The following GLUD1 variants were observed in gnomAD, a reference collection of about 807,000 sequenced individuals.
The protein encoded by GLUD1 is glutamate dehydrogenase 1, mitochondrial.
In GLUD1, 22 loss-of-function variants were observed where a neutral mutation model predicts 56.0. The observed-to-expected ratio is 0.39, with a 90% CI of 0.28 to 0.56. The LOEUF (loss-of-function observed/expected upper bound fraction) is 0.56. Among genes scored for constraint, GLUD1 ranks in the 20% least tolerant of loss-of-function variants. GLUD1 has a pLI of 0.58. For missense variants in GLUD1, 451 were observed against 732.0 expected, an observed-to-expected ratio of 0.62 and a Z score of 4.43; for synonymous variants, 223 against 269.9, an observed-to-expected ratio of 0.83 and a Z score of 1.70.
At chr10:87,074,453 A>G (rs1050520081) in intron 4 of GLUD1, 98 bp downstream of exon 4, 19 of 765,306 alleles carry the variant, frequency 2.5e-5, no homozygotes, top group African/African-American at 2.4e-4. Flanking sequence ...GCACCACTGC[A>G]CTCTAGTCTG....
intron 10 of GLUD1, among the ~76,000 whole-genome samples, chr10:87,058,376 A>G (rs935691274): frequency 1.3e-5 from 2 of 152,326 alleles, no homozygotes; most frequent in African/African-American, 4.8e-5. Flanking sequence ...CTTCACCCAG[A>G]TTCTCACAGT....
chr10:87,063,379 A>G (rs1398145444), intron 5 of GLUD1, among the ~76,000 whole-genome samples: 1 of 152,184 alleles, frequency 6.6e-6, no homozygotes, highest in Non-Finnish European at 1.5e-5. Flanking sequence ...GGCAAAGTAG[A>G]CCATATTTTC....
At chr10:87,067,560 C>A (rs867256542) in intron 5 of GLUD1, among the ~76,000 whole-genome samples, 9 of 152,162 alleles carry the variant, frequency 5.9e-5, no homozygotes, top group African/African-American at 2.2e-4. Flanking sequence ...TATAAATATG[C>A]CTTACCTTCA....
At chr10:87,071,597 T>A (rs931274165) in intron 4 of GLUD1, among the ~76,000 whole-genome samples, 10 of 152,084 alleles carry the variant, frequency 6.6e-5, no homozygotes, top group African/African-American at 2.4e-4. Flanking sequence ...GAAAGGGTAA[T>A]TTTGGTACAC....
chr10:87,053,281 A>G (rs1222742410), intron 12 of GLUD1, 61 bp downstream of exon 12: 2 of 1,055,660 alleles, frequency 1.9e-6, no homozygotes, highest in African/African-American at 1.6e-5. Context: ...CGGCTGAGAT[A>G]GCATGGTTGA....
chr10:87,077,103 T>C (rs2133829657), intron 1 of GLUD1, among the ~76,000 whole-genome samples: 1 of 152,152 alleles, frequency 6.6e-6, no homozygotes, highest in Non-Finnish European at 1.5e-5. Flanking sequence ...CTCAACCTCC[T>C]AGGCTCAGGT....
chr10:87,067,918 G>C (rs1846120337), intron 5 of GLUD1, 145 bp downstream of exon 5: 1 of 666,952 alleles, frequency 1.5e-6, no homozygotes, highest in Non-Finnish European at 2.7e-6. Context: ...GAATAGACAA[G>C]TAGACATAAA....
At chr10:87,060,447 GT>G (rs367859959) in intron 8 of GLUD1, 27,383 of 457,166 alleles carry the variant, frequency 0.06, no homozygotes, top group East Asian at 0.075. Context: ...TTGTTTGCTT[GT>G]TTTTTTTTTT....
In GLUD1 at chr10:87,051,608, T is replaced by C; in HGVS notation, c.*143A>G. 1 of 938,364 alleles carries C rather than the reference T, an allele frequency of 1.1e-6. No individual in the cohort carries two copies. The highest frequency in any genetic ancestry group is 1.8e-6 in the Non-Finnish European group (1 of 566,090). 58.1% of individuals were successfully genotyped at this position (938,364 alleles called of 1,614,324 possible). A position where few individuals can be genotyped will look rare whatever the true frequency, so the allele number is the denominator to read the frequency against. Reference sequence around the variant, plus strand: ...CTTAATTTCTTTCTCCTTAACGGGCTGACTTGGATTGACTTGTTGAGAATG... The same window carrying C: ...CTTAATTTCTTTCTCCTTAACGGGCCGACTTGGATTGACTTGTTGAGAATG... On this transcript the variant is annotated 3_prime_UTR_variant, in exon 13 of 13. Transcript: ENST00000277865.
chr10:87,060,447 G>GTTT, intron 8 of GLUD1: 6 of 535,660 alleles, frequency 1.1e-5, no homozygotes, highest in Non-Finnish European at 2.0e-5. Context: ...TTGTTTGCTT[G>GTTT]TTTTTTTTTT....
chr10:87,063,940 G>A (rs778942601), intron 5 of GLUD1, among the ~76,000 whole-genome samples: 7 of 151,738 alleles, frequency 4.6e-5, no homozygotes, highest in Non-Finnish European at 1.0e-4. Context: ...GTGCAGTGGC[G>A]CAATTTCGGC....
intron 1 of GLUD1, among the ~76,000 whole-genome samples, chr10:87,079,649 G>A (rs1043807694): frequency 1.2e-4 from 18 of 152,124 alleles, no homozygotes; most frequent in South Asian, 4.1e-4. Context: ...TGGGTGTCAC[G>A]ACTGCGAGGA....
intron 1 of GLUD1, among the ~76,000 whole-genome samples, chr10:87,093,416 C>T (rs1017028572): frequency 2.0e-5 from 3 of 152,184 alleles, no homozygotes; most frequent in Admixed American, 2.0e-4. Flanking sequence ...GAAAAAAGCT[C>T]TTATTTGCTC....
chr10:87,089,704 C>A (rs1174993106), intron 1 of GLUD1: 1 of 978,754 alleles, frequency 1.0e-6, no homozygotes, highest in African/African-American at 1.8e-5. Flanking sequence ...CTTAATAAAG[C>A]CTTTCCTGCC....
intron 1 of GLUD1, chr10:87,093,973 G>C: frequency 7.1e-7 from 1 of 1,411,686 alleles, no homozygotes; most frequent in South Asian, 1.2e-5. Context: ...CACACGGGCA[G>C]GTCATTCCCT....
chr10:87,060,018 C>G (rs1845885320), intron 9 of GLUD1, 143 bp downstream of exon 9: 3 of 667,374 alleles, frequency 4.5e-6, no homozygotes, highest in South Asian at 1.7e-5. Context: ...ATTAACCATG[C>G]TTCTACTATA....
At chr10:87,073,537 G>T (rs142097173) in intron 4 of GLUD1, among the ~76,000 whole-genome samples, 1 of 149,286 alleles carries the variant, frequency 6.7e-6, no homozygotes. Context: ...TTCTATTTAA[G>T]TAGACCTTAT....
intron 5 of GLUD1, among the ~76,000 whole-genome samples, chr10:87,067,131 G>A (rs1031079537): frequency 6.6e-6 from 1 of 152,248 alleles, no homozygotes; most frequent in Non-Finnish European, 1.5e-5. Flanking sequence ...ACTGCTGCCA[G>A]CCTATTCTTC....
chr10:87,080,787 A>C, intron 1 of GLUD1, among the ~76,000 whole-genome samples: 1 of 142,556 alleles, frequency 7.0e-6, no homozygotes, highest in African/African-American at 2.7e-5. Context: ...CCTGGCAGCC[A>C]CCCCATCTGG....
Sources: gnomAD v4.1 joint callset for allele counts (sites outside exome capture counted in the v4.1 genomes callset) on GRCh38, gnomAD v4.1.1 for gene constraint, MANE v1.5 for transcripts, NCBI Gene and HGNC (gene_info 2026-07-23, HGNC 2026-07-21) for gene names.